Variants in MCPH1 observed in about 807,000 individuals in gnomAD.
MCPH1 encodes microcephalin.
In MCPH1, 104 loss-of-function variants were observed where a neutral mutation model predicts 84.5. That is an observed-to-expected ratio of 1.23 (90% confidence interval 1.05 to 1.45). The LOEUF is 1.45. Ranked by LOEUF, MCPH1 falls within the 40% of genes most tolerant of loss-of-function variation. MCPH1 has a pLI of 0.00. For synonymous variants in MCPH1, 514 were observed against 366.8 expected (o/e 1.40, Z -4.58); for missense variants, 1,498 against 1,005.7 (o/e 1.49, Z -6.62).
chr8:6,577,525 G>A (rs995518724), intron 12 of MCPH1, among the ~76,000 whole-genome samples: 6 of 152,186 alleles, frequency 3.9e-5, no homozygotes, highest in Admixed American at 1.3e-4. Context: ...TTATATGCAC[G>A]TATTCTGCCA....
Position 6,602,675 on chromosome 8 carries a change from T to A in MCPH1, c.2215-18779T>A, listed in dbSNP as rs182069659. ...TGGCTGGTTGGGTTTGTTGCTTTCCTTGTTGTTTACAAGCTCCAGGTATTT... is the reference window on the plus strand; with the variant it reads ...TGGCTGGTTGGGTTTGTTGCTTTCCATGTTGTTTACAAGCTCCAGGTATTT... On this transcript the variant is annotated intron_variant, in intron 12 of 13. Coordinates refer to ENST00000344683, the MANE Select transcript of MCPH1 (RefSeq NM_024596.5). Among the ~76,000 whole-genome samples the A allele has an allele frequency of 4.6e-3, 698 of 152,266 alleles. 7 individuals are homozygous for A. Among genetic ancestry groups the A allele is most frequent in the African/African-American group, 0.016 (660 of 41,534 alleles).
chr8:6,575,361 C>A (rs902875391), intron 12 of MCPH1, among the ~76,000 whole-genome samples: 3 of 152,066 alleles, frequency 2.0e-5, no homozygotes, highest in African/African-American at 7.2e-5. Context: ...TTATGAGGGA[C>A]CCTTGGCCAC....
chr8:6,618,040 G>T (rs1057433990), intron 12 of MCPH1, among the ~76,000 whole-genome samples: 2 of 152,076 alleles, frequency 1.3e-5, no homozygotes, highest in East Asian at 3.9e-4. Flanking sequence ...CCAAAGTGCT[G>T]GGATTACAGG....
intron 12 of MCPH1, among the ~76,000 whole-genome samples, chr8:6,509,635 G>A (rs1171096572): frequency 5.3e-5 from 8 of 152,178 alleles, no homozygotes; most frequent in South Asian, 2.1e-4. Flanking sequence ...AACAAATGTC[G>A]GAGTAAGTTA....
At chr8:6,475,502 C>G (rs1273570422) in intron 9 of MCPH1, among the ~76,000 whole-genome samples, 1 of 152,204 alleles carries the variant, frequency 6.6e-6, no homozygotes, top group East Asian at 1.9e-4. Flanking sequence ...ACCCAGGTAG[C>G]CTGGGAGAGC....
intron 12 of MCPH1, among the ~76,000 whole-genome samples, chr8:6,614,035 G>A (rs74945057): frequency 2.6e-5 from 4 of 152,090 alleles, no homozygotes; most frequent in African/African-American, 7.2e-5. Context: ...ACTTCTCCCT[G>A]GTGCCAAAGA....
chr8:6,546,793 A>G (rs2442595), intron 12 of MCPH1, among the ~76,000 whole-genome samples: 137,805 of 152,246 alleles, frequency 0.91, 63,045 homozygotes, highest in East Asian at 0.99. Context: ...CCCCAATCCA[A>G]GTATTGCCTT....
chr8:6,616,264 G>C (rs773292953), intron 12 of MCPH1: 3 of 152,200 alleles, frequency 2.0e-5, no homozygotes, highest in Admixed American at 6.5e-5. Flanking sequence ...GGTGAGCTCT[G>C]CCTAGAGGGA....
chr8:6,554,943 G>C (rs1027023788), intron 12 of MCPH1, among the ~76,000 whole-genome samples: 13 of 152,162 alleles, frequency 8.5e-5, no homozygotes, highest in Non-Finnish European at 1.5e-4. Flanking sequence ...GTGATTTCAT[G>C]GAGAAATATC....
At chr8:6,528,238 A>G (rs1054480522) in intron 12 of MCPH1, among the ~76,000 whole-genome samples, 23 of 152,164 alleles carry the variant, frequency 1.5e-4, no homozygotes, top group African/African-American at 5.6e-4. Flanking sequence ...AGTTCTGGAC[A>G]ATGGGGTCTG....
chr8:6,465,663 A>G (rs3098012), intron 9 of MCPH1, among the ~76,000 whole-genome samples: 41,854 of 151,686 alleles, frequency 0.28, 7,407 homozygotes, highest in East Asian at 0.49. Context: ...GTGAACCAAA[A>G]CAAGGAAGGG....
intron 12 of MCPH1, among the ~76,000 whole-genome samples, chr8:6,608,706 G>A (rs965637796): frequency 6.6e-6 from 1 of 152,186 alleles, no homozygotes; most frequent in African/African-American, 2.4e-5. Context: ...CAGAATGCTC[G>A]GAGTTGGGGC....
At chr8:6,512,288 C>T (rs1420885057) in intron 12 of MCPH1, among the ~76,000 whole-genome samples, 5 of 152,150 alleles carry the variant, frequency 3.3e-5, no homozygotes, top group South Asian at 2.1e-4. Flanking sequence ...GCCGCTTCTC[C>T]GTGCTGCCCA....
intron 12 of MCPH1, among the ~76,000 whole-genome samples, chr8:6,544,378 CT>C (rs1822159538): frequency 6.6e-6 from 1 of 152,224 alleles, no homozygotes; most frequent in Non-Finnish European, 1.5e-5. Context: ...AGACTGTGAA[CT>C]GCACATGGTG....
intron 12 of MCPH1, among the ~76,000 whole-genome samples, chr8:6,529,742 G>C (rs1333180572): frequency 6.7e-6 from 1 of 149,784 alleles, no homozygotes; most frequent in Non-Finnish European, 1.5e-5. Flanking sequence ...TAGGATTATA[G>C]ATCTGAGCAA....
At chr8:6,458,451 A>G (rs1476946520) in intron 9 of MCPH1, among the ~76,000 whole-genome samples, 6 of 149,256 alleles carry the variant, frequency 4.0e-5, no homozygotes, top group African/African-American at 1.0e-4. Flanking sequence ...CAGCCTGGGC[A>G]ACAGAGTGAG....
intron 12 of MCPH1, among the ~76,000 whole-genome samples, chr8:6,552,549 A>G (rs1823838386): frequency 6.6e-6 from 1 of 152,242 alleles, no homozygotes; most frequent in Non-Finnish European, 1.5e-5. Context: ...CCTTTAACTA[A>G]TGTGAGATAT....
At chr8:6,579,004 G>C (rs1827336257) in intron 12 of MCPH1, among the ~76,000 whole-genome samples, 1 of 152,188 alleles carries the variant, frequency 6.6e-6, no homozygotes, top group Non-Finnish European at 1.5e-5. Context: ...TGCATGATCT[G>C]GTCTGGGGAT....
At chr8:6,628,743 C>G (rs1796947885) in intron 13 of MCPH1, among the ~76,000 whole-genome samples, 2 of 152,166 alleles carry the variant, frequency 1.3e-5, no homozygotes, top group Admixed American at 6.5e-5. Flanking sequence ...GGTGAATGCC[C>G]AAGTGTGTCA....
Sources: gnomAD v4.1 joint callset for allele counts (sites outside exome capture counted in the v4.1 genomes callset) on GRCh38, gnomAD v4.1.1 for gene constraint, MANE v1.5 for transcripts, NCBI Gene and HGNC (gene_info 2026-07-23, HGNC 2026-07-21) for gene names.